MTRF1: variants seen among roughly 807,000 people sequenced by gnomAD.
The protein encoded by MTRF1 is mitochondrial translation release factor 1, also known as peptide chain release factor 1, mitochondrial.
In MTRF1, 51 loss-of-function variants were observed where a neutral mutation model predicts 62.9. The observed-to-expected ratio is 0.81, with a 90% CI of 0.65 to 1.02. MTRF1 has a LOEUF of 1.02. Ranked by LOEUF, MTRF1 falls within the 50% of genes least tolerant of loss-of-function variation. MTRF1 has a pLI of 0.00. For synonymous variants in MTRF1, 158 were observed against 181.9 expected, an observed-to-expected ratio of 0.87 and a Z score of 1.06; for missense variants, 446 against 530.0, an observed-to-expected ratio of 0.84 and a Z score of 1.56.
intron 7 of MTRF1, among the ~76,000 whole-genome samples, chr13:41,230,917 G>A (rs1269129407): frequency 6.6e-6 from 1 of 151,886 alleles, no homozygotes; most frequent in East Asian, 1.9e-4. Context: ...TAGAGACAGG[G>A]TTTCACCATT....
At chr13:41,232,931 A>G (rs1593714750) in intron 7 of MTRF1, among the ~76,000 whole-genome samples, 1 of 152,206 alleles carries the variant, frequency 6.6e-6, no homozygotes, top group South Asian at 2.1e-4. Context: ...AAAATCAATG[A>G]GGTAATTATT....
chr13:41,217,640 T>G (rs1192244916), intron 9 of MTRF1, among the ~76,000 whole-genome samples: 1 of 152,258 alleles, frequency 6.6e-6, no homozygotes, highest in Middle Eastern at 3.2e-3. Context: ...AATGCTTTTA[T>G]TCTTGTCCTG....
At position 41,254,558 on chromosome 13, in the gene MTRF1, C is replaced by T. The variant is rs1274632085; in HGVS notation, c.478G>A (p.Asp160Asn). 3.7e-6 allele frequency: 6 copies of T among 1,613,496 alleles called. No individual in the cohort carries two copies. In the Admixed American group the frequency reaches 1.0e-4, roughly 27 times the overall value. Reference sequence around the variant, plus strand: ...TTGTACAACATGTTGATTTTTTGATCAATGGTTTGCCTTTCTTCCAGTGCA... The same window carrying T: ...TTGTACAACATGTTGATTTTTTGATTAATGGTTTGCCTTTCTTCCAGTGCA... ...ELALEERQTI[D>N]QKINMLYNEL... Residue 160 changes from aspartate (D) to asparagine (N), a missense_variant, in exon 3 of 10, where the codon GAT becomes AAT. Physicochemically the swap from Asp to Asn is conservative, Grantham distance 23. Transcript: ENST00000379480.
chr13:41,246,951 C>T (rs1388458908), intron 5 of MTRF1, among the ~76,000 whole-genome samples: 1 of 152,198 alleles, frequency 6.6e-6, no homozygotes, highest in East Asian at 1.9e-4. Context: ...CTTTGGTTTC[C>T]TTATGTGTAA....
intron 8 of MTRF1, among the ~76,000 whole-genome samples, chr13:41,224,330 T>A (rs915690129): frequency 1.3e-5 from 2 of 152,152 alleles, no homozygotes. Context: ...AGTCTGCTCA[T>A]CTCCTCCACC....
intron 6 of MTRF1, among the ~76,000 whole-genome samples, chr13:41,236,858 G>C (rs1482113829): frequency 3.9e-5 from 6 of 152,156 alleles, no homozygotes; most frequent in Non-Finnish European, 8.8e-5. Flanking sequence ...TTAAATGTCA[G>C]TTAAGAGAAC....
At chr13:41,309,185 A>G in the MTRF1 span, among the ~76,000 whole-genome samples, 1 of 149,966 alleles carries the variant, frequency 6.7e-6, no homozygotes, top group Non-Finnish European at 1.5e-5. Context: ...ATACACGTGC[A>G]TGTGTCCTTT....
chr13:41,233,735 G>T (rs2035992828), intron 7 of MTRF1, among the ~76,000 whole-genome samples, 155 bp downstream of exon 7: 1 of 152,162 alleles, frequency 6.6e-6, no homozygotes, highest in East Asian at 1.9e-4. Context: ...AAACAGAAGG[G>T]AAATATGAAC....
chr13:41,235,538 G>A (rs1182605440), intron 6 of MTRF1: 1 of 152,146 alleles, frequency 6.6e-6, no homozygotes, highest in East Asian at 1.9e-4. Flanking sequence ...GGATTATCAG[G>A]ATAGGCCCTA....
rs1282325596 is a variant in MTRF1 at position 41,252,765 on chromosome 13, AC to A, written c.590-14del. On this transcript the variant is annotated splice_polypyrimidine_tract_variant and intron_variant, in intron 4 of 9. Coordinates refer to ENST00000379480, the MANE Select transcript of MTRF1 (RefSeq NM_004294.4). ...TGGCAGATGTCACCTAAAACAAAAT[AC>A]GAAAAATATTTAGTCAGGACAAATT... 2 of 1,608,638 alleles carry A rather than the reference AC, an allele frequency of 1.2e-6. No homozygotes were observed. Among genetic ancestry groups the A allele is most frequent in the African/African-American group, 2.7e-5 (2 of 74,792 alleles).
At chr13:41,265,836 G>C (rs1285372459), upstream of MTRF1, among the ~76,000 whole-genome samples, 1 of 152,054 alleles carries the variant, frequency 6.6e-6, no homozygotes, top group East Asian at 1.9e-4. Context: ...CACCCAGCTG[G>C]TGGTTTTTTG....
chr13:41,309,409 C>T, the MTRF1 span, among the ~76,000 whole-genome samples: 1 of 149,668 alleles, frequency 6.7e-6, no homozygotes, highest in Non-Finnish European at 1.5e-5. Context: ...GGCTGGTCTC[C>T]AACTCCTGAG....
chr13:41,260,618 G>A lies in MTRF1; in HGVS notation c.290C>T (p.Pro97Leu), dbSNP rs1196155593. 2 of 1,614,116 alleles carry A rather than the reference G, an allele frequency of 1.2e-6. No individual in the cohort carries two copies. The highest frequency in any genetic ancestry group is 1.7e-6 in the Non-Finnish European group (2 of 1,179,994). ...QTLEQCLQHIPVNEENRRSLN... is the reference protein window; with the variant it reads ...QTLEQCLQHILVNEENRRSLN... The stretch of plus-strand genomic sequence containing the variant: ...GGACCTTCGGTTTTCCTCATTCACA[G>A]GGATATGCTGCAGACATTGCTCAAG... The change falls in exon 2 of 10, where the codon CCT becomes CTT. Residue 97 changes from proline (P) to leucine (L), a missense_variant. By Grantham distance (98) the Pro-to-Leu change is moderately conservative (BLOSUM62 -3). Coordinates refer to ENST00000379480, the MANE Select transcript of MTRF1 (RefSeq NM_004294.4).
chr13:41,281,718 A>G, the MTRF1 span, among the ~76,000 whole-genome samples: 1 of 152,228 alleles, frequency 6.6e-6, no homozygotes, highest in Non-Finnish European at 1.5e-5. Flanking sequence ...ACTTTGTAAC[A>G]GTACTGACTC....
chr13:41,224,716 T>C (rs1374719307), intron 8 of MTRF1, among the ~76,000 whole-genome samples: 2 of 152,180 alleles, frequency 1.3e-5, no homozygotes, highest in East Asian at 1.9e-4. Flanking sequence ...GAATGTGGCA[T>C]AATGCCTTCT....
the MTRF1 span, chr13:41,288,457 C>T: frequency 6.0e-6 from 1 of 165,874 alleles, no homozygotes; most frequent in East Asian, 1.9e-4. Context: ...TGCCACCTCA[C>T]CCTTAGCCCA....
At chr13:41,252,572 T>C in intron 5 of MTRF1, 73 bp downstream of exon 5, 3 of 1,199,724 alleles carry the variant, frequency 2.5e-6, no homozygotes, top group Non-Finnish European at 3.6e-6. Flanking sequence ...AATGGGACAA[T>C]ATGGTTCTAA....
intron 2 of MTRF1, among the ~76,000 whole-genome samples, chr13:41,257,167 C>G (rs1466118985): frequency 1.3e-5 from 2 of 152,148 alleles, no homozygotes; most frequent in Non-Finnish European, 2.9e-5. Context: ...GGTTGGAAGG[C>G]AGAATATGCA....
At chr13:41,256,654 CCA>C (rs140504003) in intron 2 of MTRF1, among the ~76,000 whole-genome samples, 3,185 of 152,136 alleles carry the variant, frequency 0.021, 118 homozygotes, top group African/African-American at 0.072. Flanking sequence ...ACCACTAGTA[CCA>C]CATTGTGCAC....
Sources: gnomAD v4.1 joint callset for allele counts (sites outside exome capture counted in the v4.1 genomes callset) on GRCh38, gnomAD v4.1.1 for gene constraint, MANE v1.5 for transcripts, NCBI Gene and HGNC (gene_info 2026-07-23, HGNC 2026-07-21) for gene names.